The following ACER3 variants were observed in gnomAD, a reference collection of about 807,000 sequenced individuals.
ACER3 encodes alkCDase 3.
Under a neutral mutation model 48.9 loss-of-function variants are expected in ACER3, and 16 were observed. The observed-to-expected ratio is 0.33, with a 90% CI of 0.22 to 0.50. ACER3 has a LOEUF of 0.50. Ranked by LOEUF, ACER3 falls within the 20% of genes least tolerant of loss-of-function variation. ACER3 has a pLI of 0.98. For missense variants in ACER3, 227 were observed against 326.0 expected (o/e 0.70, Z 2.34); for synonymous variants, 109 against 107.8 (o/e 1.01, Z -0.07).
intron 1 of ACER3, among the ~76,000 whole-genome samples, chr11:76,861,863 C>T (rs1944948953): frequency 6.6e-6 from 1 of 152,176 alleles, no homozygotes; most frequent in African/African-American, 2.4e-5. Flanking sequence ...ACCGACTGCA[C>T]CTTCTGAGGA....
intron 2 of ACER3, among the ~76,000 whole-genome samples, chr11:76,940,874 G>A (rs964880159): frequency 6.6e-6 from 1 of 152,088 alleles, no homozygotes. Context: ...GGGAATGTTC[G>A]ATGGATAAGT....
chr11:76,874,932 A>C (rs976084189), intron 1 of ACER3, among the ~76,000 whole-genome samples: 1 of 152,120 alleles, frequency 6.6e-6, no homozygotes, highest in African/African-American at 2.4e-5. Context: ...GCTTTTGCAC[A>C]TGCTGTTGGC....
intron 7 of ACER3, among the ~76,000 whole-genome samples, chr11:77,005,538 T>G (rs1426560896): frequency 2.6e-5 from 4 of 152,104 alleles, no homozygotes; most frequent in Non-Finnish European, 5.9e-5. Context: ...AGGCTAGAAG[T>G]CCCAGATGAA....
intron 9 of ACER3, 178 bp from the exon 10 acceptor site, chr11:77,019,553 T>G (rs1949435746): frequency 1.6e-6 from 1 of 618,828 alleles, no homozygotes; most frequent in Admixed American, 2.8e-5. Context: ...CAGCATGGTT[T>G]ACTGAATATT....
chr11:76,862,547 G>A lies in ACER3; in HGVS notation c.103+1468G>A, dbSNP rs377616169. On this transcript the variant is annotated intron_variant, in intron 1 of 10. Transcript: ENST00000532485. Reference sequence around the variant, plus strand: ...TGGTCCAGAGAACCATGACCACGAGGAAAGAGATGTAAAACCATGCACTCT... The same window carrying A: ...TGGTCCAGAGAACCATGACCACGAGAAAAGAGATGTAAAACCATGCACTCT... Among the ~76,000 whole-genome samples, 7 of 152,270 alleles carry A rather than the reference G, an allele frequency of 4.6e-5. No individual in the cohort carries two copies. The East Asian group carries it at 9.7e-4, about 21-fold the overall frequency.
chr11:77,015,881 C>T (rs565035681), intron 8 of ACER3, among the ~76,000 whole-genome samples: 30 of 152,074 alleles, frequency 2.0e-4, no homozygotes, highest in African/African-American at 7.0e-4. Context: ...GCCGAGGGGG[C>T]GGATCACTTG....
chr11:76,918,685 G>A (rs1487513252), intron 1 of ACER3, among the ~76,000 whole-genome samples: 1 of 151,630 alleles, frequency 6.6e-6, no homozygotes, highest in African/African-American at 2.4e-5. Flanking sequence ...ATCTTTATAT[G>A]TGTTATTTGG....
chr11:76,960,411 T>C (rs1233706422), intron 3 of ACER3, among the ~76,000 whole-genome samples: 1 of 151,594 alleles, frequency 6.6e-6, no homozygotes, highest in Non-Finnish European at 1.5e-5. Flanking sequence ...CTGTCTCAAA[T>C]AATAATAATA....
chr11:76,949,043 C>T (rs1487940422), intron 2 of ACER3, among the ~76,000 whole-genome samples: 1 of 151,702 alleles, frequency 6.6e-6, no homozygotes, highest in Admixed American at 6.6e-5. Flanking sequence ...CCCTTGTACA[C>T]TATTTCCAGT....
intron 1 of ACER3, among the ~76,000 whole-genome samples, chr11:76,872,794 G>GGATT (rs1040897997): frequency 3.9e-4 from 60 of 152,116 alleles, no homozygotes; most frequent in African/African-American, 1.4e-3. Context: ...ATGTGTATGT[G>GGATT]GATTACCTGA....
chr11:76,903,275 C>G (rs539004233), intron 1 of ACER3, among the ~76,000 whole-genome samples: 1 of 152,262 alleles, frequency 6.6e-6, no homozygotes, highest in African/African-American at 2.4e-5. Flanking sequence ...ATACTCCTCT[C>G]CTATGCATCC....
intron 1 of ACER3, among the ~76,000 whole-genome samples, chr11:76,862,985 G>A (rs771272258): frequency 1.8e-4 from 28 of 152,234 alleles, no homozygotes; most frequent in Admixed American, 3.9e-4. Context: ...CAGCACTTTG[G>A]GAGGCCAAGG....
chr11:76,863,866 G>T (rs12793219), intron 1 of ACER3, among the ~76,000 whole-genome samples: 6,549 of 152,234 alleles, frequency 0.043, 198 homozygotes, highest in Middle Eastern at 0.065. Flanking sequence ...TGTAGAGATA[G>T]TGTTCACATT....
chr11:76,865,810 C>CT lies in ACER3; in HGVS notation c.103+4748dup, dbSNP rs372481140. Among the ~76,000 whole-genome samples the CT allele has an allele frequency of 6.2e-3, 804 of 130,556 alleles. 6 individuals are homozygous for CT. Among genetic ancestry groups the CT allele is most frequent in the Non-Finnish European group, 6.2e-3 (379 of 60,660 alleles). 85.6% of individuals were successfully genotyped at this position (130,556 alleles called of 152,430 possible). On this transcript the variant is annotated intron_variant, in intron 1 of 10. Transcript: ENST00000532485. ...AGGTGTGAGCCACCTTGCCCAGCAT[C>CT]TTTTTTTTTTTTTTTTTCTTTTTTG...
At position 77,024,859 on chromosome 11, in the gene ACER3, TAGAA is replaced by T. The variant is rs1409432607; in HGVS notation, c.*4534_*4537del. The stretch of plus-strand genomic sequence containing the variant: ...CTGGTCACAAGAATTTTTTTTTAAA[TAGAA>T]AACCCTAAAATGCAAATCAAGAAAT... On this transcript the variant is annotated 3_prime_UTR_variant, in exon 11 of 11. Coordinates refer to ENST00000532485, the MANE Select transcript of ACER3 (RefSeq NM_018367.7). The T allele has an allele frequency of 6.6e-6, 1 of 152,196 alleles. No individual in the cohort carries two copies. Among genetic ancestry groups the T allele is most frequent in the Non-Finnish European group, 1.5e-5 (1 of 68,012 alleles). The allele number at this position is 152,196 out of a possible 1,614,324, so 9.4% of individuals were successfully genotyped here.
intron 2 of ACER3, among the ~76,000 whole-genome samples, chr11:76,936,915 C>G (rs1947202894): frequency 6.6e-6 from 1 of 151,984 alleles, no homozygotes; most frequent in African/African-American, 2.4e-5. Context: ...TGGGATTTCC[C>G]CATGTTGGCC....
intron 7 of ACER3, among the ~76,000 whole-genome samples, chr11:77,005,983 A>ATTT: frequency 1.3e-5 from 1 of 74,782 alleles, no homozygotes; most frequent in African/African-American, 4.8e-5. Context: ...ATATATATAT[A>ATTT]TATATATATT....
chr11:76,863,735 C>T (rs1445852271), intron 1 of ACER3, among the ~76,000 whole-genome samples: 1 of 152,136 alleles, frequency 6.6e-6, no homozygotes, highest in African/African-American at 2.4e-5. Context: ...CTAAGCACTT[C>T]ATATATCTTA....
At chr11:76,923,030 A>G (rs1946726776) in intron 1 of ACER3, among the ~76,000 whole-genome samples, 1 of 152,112 alleles carries the variant, frequency 6.6e-6, no homozygotes, top group South Asian at 2.1e-4. Context: ...AAAGCAATAT[A>G]TAAAAAAAAT....
Sources: gnomAD v4.1 joint callset for allele counts (sites outside exome capture counted in the v4.1 genomes callset) on GRCh38, gnomAD v4.1.1 for gene constraint, MANE v1.5 for transcripts, NCBI Gene and HGNC (gene_info 2026-07-23, HGNC 2026-07-21) for gene names.